STYXL1: variants seen among roughly 807,000 people sequenced by gnomAD.
STYXL1 encodes the protein serine/threonine/tyrosine-interacting-like protein 1.
In STYXL1, 32 loss-of-function variants were observed where a neutral mutation model predicts 36.4. The ratio of observed to expected loss-of-function variants is 0.88; its 90% CI spans 0.66 to 1.18. The LOEUF (loss-of-function observed/expected upper bound fraction) is 1.18, where lower values mean the gene tolerates loss of function less well. Ranked by LOEUF, STYXL1 falls within the 50% of genes most tolerant of loss-of-function variation. STYXL1 has a pLI of 0.00. For missense variants in STYXL1, 354 were observed against 394.1 expected, an observed-to-expected ratio of 0.90 and a Z score of 0.86; for synonymous variants, 133 against 144.1, an observed-to-expected ratio of 0.92 and a Z score of 0.55.
intron 3 of STYXL1, among the ~76,000 whole-genome samples, chr7:76,026,254 G>C (rs1367954148): frequency 7.9e-6 from 1 of 126,568 alleles, no homozygotes; most frequent in Admixed American, 8.7e-5. Context: ...GTGTGGAAAA[G>C]TACAGCGGGA....
At chr7:76,029,336 G>A (rs1034550734) in intron 2 of STYXL1, among the ~76,000 whole-genome samples, 4 of 151,596 alleles carry the variant, frequency 2.6e-5, no homozygotes, top group South Asian at 2.1e-4. Context: ...TAGTAGAGAC[G>A]GGGTTTCACC....
intron 5 of STYXL1, among the ~76,000 whole-genome samples, chr7:76,012,338 T>C (rs1039818835): frequency 2.0e-5 from 3 of 152,126 alleles, no homozygotes; most frequent in African/African-American, 7.2e-5. Flanking sequence ...TACAGTGGCA[T>C]GGCAACGGCT....
intron 3 of STYXL1, among the ~76,000 whole-genome samples, chr7:76,026,919 G>T (rs1554577895): frequency 6.6e-6 from 1 of 152,180 alleles, no homozygotes; most frequent in East Asian, 1.9e-4. Flanking sequence ...AAATTAGCCA[G>T]GTGTGGTGGC....
At chr7:76,005,941 G>A (rs1554570189) in intron 5 of STYXL1, among the ~76,000 whole-genome samples, 2 of 151,208 alleles carry the variant, frequency 1.3e-5, no homozygotes, top group Admixed American at 6.6e-5. Flanking sequence ...TGGAGGAGGA[G>A]AGAGGAGGTT....
intron 5 of STYXL1, among the ~76,000 whole-genome samples, chr7:76,006,116 G>A (rs1227862788): frequency 6.6e-6 from 1 of 151,882 alleles, no homozygotes; most frequent in African/African-American, 2.4e-5. Flanking sequence ...TGTCACCCAG[G>A]CTGGAGTGCA....
chr7:76,016,811 G>A (rs776982116), intron 4 of STYXL1, among the ~76,000 whole-genome samples: 77 of 152,264 alleles, frequency 5.1e-4, no homozygotes, highest in Middle Eastern at 3.4e-3. Flanking sequence ...TTCAGCCCCT[G>A]TGGAAAGGAG....
At chr7:76,005,854 AG>A (rs1791624380) in intron 5 of STYXL1, among the ~76,000 whole-genome samples, 1 of 23,922 alleles carries the variant, frequency 4.2e-5, no homozygotes, top group Non-Finnish European at 1.0e-4. Flanking sequence ...AAGAGAGAGG[AG>A]GAGAGAGGAG....
At chr7:76,040,708 T>C (rs1230447249) in intron 1 of STYXL1, among the ~76,000 whole-genome samples, 6 of 151,236 alleles carry the variant, frequency 4.0e-5, no homozygotes, top group Non-Finnish European at 8.9e-5. Context: ...TGGTGGCGCA[T>C]ACCTGTAATC....
At chr7:76,009,062 A>T (rs1315698686) in intron 5 of STYXL1, among the ~76,000 whole-genome samples, 2 of 151,958 alleles carry the variant, frequency 1.3e-5, no homozygotes, top group Non-Finnish European at 2.9e-5. Flanking sequence ...AAATCTATCA[A>T]CCCCTCTTCC....
At chr7:76,040,526 G>T (rs185214031) in intron 1 of STYXL1, among the ~76,000 whole-genome samples, 6 of 152,238 alleles carry the variant, frequency 3.9e-5, no homozygotes, top group Middle Eastern at 6.8e-3. Context: ...CAGGTAGGAG[G>T]CCCAAATAAA....
intron 4 of STYXL1, among the ~76,000 whole-genome samples, chr7:76,015,602 A>G (rs1191587510): frequency 3.9e-5 from 6 of 152,218 alleles, no homozygotes; most frequent in Admixed American, 1.3e-4. Flanking sequence ...GGGAGAAAGT[A>G]TCCACAAGCT....
At chr7:76,004,125 G>A (rs1791338889) in intron 6 of STYXL1, among the ~76,000 whole-genome samples, 1 of 151,970 alleles carries the variant, frequency 6.6e-6, no homozygotes, top group African/African-American at 2.4e-5. Flanking sequence ...ACAGATTCCC[G>A]CTCTGTTGCC....
intron 5 of STYXL1, among the ~76,000 whole-genome samples, chr7:76,013,013 G>A (rs1351817916): frequency 6.6e-6 from 1 of 152,102 alleles, no homozygotes; most frequent in Non-Finnish European, 1.5e-5. Context: ...GTTTCAACCC[G>A]ACAGCCATCA....
chr7:76,005,630 T>C (rs1791574908), intron 5 of STYXL1, among the ~76,000 whole-genome samples: 1 of 151,916 alleles, frequency 6.6e-6, no homozygotes, highest in Non-Finnish European at 1.5e-5. Flanking sequence ...GAGCGCTGGG[T>C]CTCAGCACTG....
At chr7:76,024,080 GT>G (rs1794388684) in intron 3 of STYXL1, among the ~76,000 whole-genome samples, 1 of 152,038 alleles carries the variant, frequency 6.6e-6, no homozygotes, top group Non-Finnish European at 1.5e-5. Flanking sequence ...GTCCCACTGT[GT>G]TGTCCAGGCT....
chr7:76,040,917 T>C (rs782509669), intron 1 of STYXL1, among the ~76,000 whole-genome samples: 1 of 151,882 alleles, frequency 6.6e-6, no homozygotes, highest in South Asian at 2.1e-4. Flanking sequence ...TAAAAATACA[T>C]GTCCCCAACT....
In STYXL1 at chr7:76,031,805, G is replaced by A. The variant is rs997989743; in HGVS notation, c.-4-1278C>T. ...GAGCCATATACATACCACATGGGCT[G>A]TAAAACAGCTGCCAGTTCATTTGCT... On this transcript the variant is annotated intron_variant, in intron 1 of 8. Transcript: ENST00000359697. 1.2e-4 allele frequency among the ~76,000 whole-genome samples: 18 copies of A among 152,156 alleles called. No homozygotes were observed. The South Asian group carries it at 2.1e-3, about 18-fold the overall frequency.
At chr7:76,004,005 A>G (rs1263433981) in intron 6 of STYXL1, 150 bp from the exon 7 acceptor site, 1 of 653,250 alleles carries the variant, frequency 1.5e-6, no homozygotes. Context: ...TCTCCTGGAA[A>G]AAAACATCCA....
chr7:76,032,650 T>C (rs1241564695), intron 1 of STYXL1, among the ~76,000 whole-genome samples: 2 of 151,790 alleles, frequency 1.3e-5, no homozygotes, highest in African/African-American at 4.8e-5. Flanking sequence ...TGCAGTGAGC[T>C]GAGACTGCAC....
Sources: allele counts gnomAD v4.1 joint callset (sites outside exome capture counted in the v4.1 genomes callset), GRCh38; gene constraint gnomAD v4.1.1; transcripts MANE v1.5; gene names NCBI Gene and HGNC (gene_info 2026-07-23, HGNC 2026-07-21).